Variants in WDPCP observed in about 807,000 individuals in gnomAD.
WDPCP encodes WD repeat-containing and planar cell polarity effector protein fritz homolog.
WDPCP carries 71 observed loss-of-function variants against 93.1 expected under a neutral mutation model. That is an observed-to-expected ratio of 0.76 (90% CI 0.63 to 0.93). WDPCP has a LOEUF of 0.93. Among genes scored for constraint, WDPCP ranks in the 40% least tolerant of loss-of-function variants. The probability of loss-of-function intolerance (pLI) is 0.00; values close to 1 mark genes in which losing one functional copy is unlikely to be tolerated. For synonymous variants in WDPCP, 315 were observed against 315.0 expected, an observed-to-expected ratio of 1.00 and a Z score of 0.00; for missense variants, 844 against 887.4, an observed-to-expected ratio of 0.95 and a Z score of 0.62.
rs546109864 is a variant in WDPCP at position 63,623,855 on chromosome 2, A to G, written n.488+26804T>C. On this transcript the variant is annotated intron_variant and non_coding_transcript_variant, in intron 3 of 4. Transcript: ENST00000467687. Reference sequence around the variant, plus strand: ...AGTGGACCTAATAGACATGTTCAGAACCCTCCACCCAAAATCAACAGAATA... The same window carrying G: ...AGTGGACCTAATAGACATGTTCAGAGCCCTCCACCCAAAATCAACAGAATA... Among the ~76,000 whole-genome samples the G allele has an allele frequency of 2.6e-5, 4 of 152,306 alleles. No individual in the cohort carries two copies. The South Asian group carries it at 8.3e-4, about 32-fold the overall frequency.
At chr2:63,266,101 C>A (rs1257104834) in intron 13 of WDPCP, among the ~76,000 whole-genome samples, 1 of 152,138 alleles carries the variant, frequency 6.6e-6, no homozygotes, top group Non-Finnish European at 1.5e-5. Context: ...AGAAATAAGA[C>A]AAGGATACCT....
intron 2 of WDPCP, among the ~76,000 whole-genome samples, chr2:63,765,660 C>G (rs1346796589): frequency 6.6e-6 from 1 of 152,186 alleles, no homozygotes; most frequent in Non-Finnish European, 1.5e-5. Context: ...TCAATCCCTT[C>G]CAGAAACTCC....
intron 2 of WDPCP, among the ~76,000 whole-genome samples, chr2:63,725,423 C>T (rs1669483921): frequency 6.6e-6 from 1 of 152,136 alleles, no homozygotes; most frequent in Non-Finnish European, 1.5e-5. Flanking sequence ...ATATGTACCA[C>T]ATTTTCTTTA....
chr2:63,655,837 C>T (rs1240117018), intron 2 of WDPCP, among the ~76,000 whole-genome samples: 1 of 152,158 alleles, frequency 6.6e-6, no homozygotes, highest in African/African-American at 2.4e-5. Context: ...TCATTCTTTC[C>T]TTACAGTTGT....
intron 1 of WDPCP, among the ~76,000 whole-genome samples, chr2:63,525,444 C>G (rs1313124925): frequency 2.0e-5 from 3 of 152,172 alleles, no homozygotes; most frequent in Non-Finnish European, 2.9e-5. Context: ...GTCTCTTTCT[C>G]TCATTGCTTC....
upstream of WDPCP, among the ~76,000 whole-genome samples, chr2:63,828,966 T>C (rs1419751695): frequency 1.3e-5 from 2 of 152,170 alleles, no homozygotes; most frequent in Admixed American, 6.6e-5. Context: ...TATATCACTT[T>C]GTGTTATAAA....
chr2:63,370,389 T>A (rs1421762434), intron 12 of WDPCP, among the ~76,000 whole-genome samples: 1 of 152,174 alleles, frequency 6.6e-6, no homozygotes, highest in East Asian at 1.9e-4. Context: ...TCTGTTCAGA[T>A]GTGTGCAGAC....
At chr2:63,786,143 A>G (rs1465319170) in intron 2 of WDPCP, among the ~76,000 whole-genome samples, 1 of 152,000 alleles carries the variant, frequency 6.6e-6, no homozygotes, top group Non-Finnish European at 1.5e-5. Context: ...AGACTCAAGC[A>G]ATCCTTTTAC....
intron 10 of WDPCP, among the ~76,000 whole-genome samples, chr2:63,400,767 G>C (rs1421946678): frequency 1.3e-5 from 2 of 152,154 alleles, no homozygotes; most frequent in African/African-American, 2.4e-5. Flanking sequence ...AACCATAGCA[G>C]CATGGTACTG....
intron 2 of WDPCP, among the ~76,000 whole-genome samples, chr2:63,711,772 GACAA>G (rs1289952272): frequency 2.6e-5 from 4 of 152,030 alleles, no homozygotes; most frequent in African/African-American, 9.7e-5. Flanking sequence ...AAAACGAACC[GACAA>G]ACAAACAAAA....
intron 2 of WDPCP, chr2:63,684,425 C>A: frequency 1.2e-6 from 1 of 846,636 alleles, no homozygotes; most frequent in Admixed American, 1.8e-5. Flanking sequence ...CCTACAGCCA[C>A]CTCTGGTGGC....
chr2:63,802,897 A>G (rs1203895411), intron 2 of WDPCP, among the ~76,000 whole-genome samples: 2 of 152,214 alleles, frequency 1.3e-5, no homozygotes, highest in Non-Finnish European at 2.9e-5. Flanking sequence ...TTGGGGCATT[A>G]CTCAAACTCT....
At chr2:63,428,684 A>ACT (rs1331131465) in intron 9 of WDPCP, among the ~76,000 whole-genome samples, 1 of 152,042 alleles carries the variant, frequency 6.6e-6, no homozygotes, top group Non-Finnish European at 1.5e-5. Context: ...AAGGATGCCT[A>ACT]CTCTCACCAC....
At chr2:63,723,289 TA>T (rs369400703) in intron 2 of WDPCP, among the ~76,000 whole-genome samples, 15,692 of 137,996 alleles carry the variant, frequency 0.11, 1,259 homozygotes, top group African/African-American at 0.25. Flanking sequence ...AATAAAAAAT[TA>T]AAAAAAAAAA....
intron 2 of WDPCP, among the ~76,000 whole-genome samples, chr2:63,707,786 G>T (rs1413800940): frequency 1.3e-5 from 2 of 152,164 alleles, no homozygotes; most frequent in African/African-American, 4.8e-5. Context: ...TGATGATGGT[G>T]ATGTACAGAT....
chr2:63,789,624 A>G (rs1047382141), intron 2 of WDPCP, among the ~76,000 whole-genome samples: 1 of 152,232 alleles, frequency 6.6e-6, no homozygotes, highest in Non-Finnish European at 1.5e-5. Context: ...AGAGAAAATG[A>G]GGCCGAAGAC....
chr2:63,323,158 C>T (rs772716412), intron 12 of WDPCP, among the ~76,000 whole-genome samples: 21 of 152,202 alleles, frequency 1.4e-4, no homozygotes, highest in African/African-American at 4.6e-4. Context: ...AAAGTCATGT[C>T]GCCCAAGCGA....
At chr2:63,172,910 T>C (rs918019858) in intron 15 of WDPCP, among the ~76,000 whole-genome samples, 2 of 151,860 alleles carry the variant, frequency 1.3e-5, no homozygotes, top group Non-Finnish European at 2.9e-5. Flanking sequence ...GAAAGAAGCA[T>C]AAGGAGGAAA....
At chr2:63,364,992 G>A (rs1450459761) in intron 12 of WDPCP, among the ~76,000 whole-genome samples, 1 of 152,162 alleles carries the variant, frequency 6.6e-6, no homozygotes, top group East Asian at 1.9e-4. Context: ...AATGGGCTTG[G>A]CTGTGTTCCA....
Sources: gnomAD v4.1 joint callset for allele counts (sites outside exome capture counted in the v4.1 genomes callset) on GRCh38, gnomAD v4.1.1 for gene constraint, MANE v1.5 for transcripts, NCBI Gene and HGNC (gene_info 2026-07-23, HGNC 2026-07-21) for gene names.